Variants in SSRP1 observed in about 807,000 individuals in gnomAD.
The protein encoded by SSRP1 is structure specific recognition protein 1.
A neutral mutation model predicts 84.4 loss-of-function variants in SSRP1; 21 were observed. The observed-to-expected ratio is 0.25, with a 90% confidence interval of 0.18 to 0.36. SSRP1 has a LOEUF of 0.36. SSRP1 is among the 10% of genes least tolerant of loss of function. The pLI, the probability that SSRP1 is intolerant of heterozygous loss-of-function variation, is 1.00. For synonymous variants in SSRP1, 319 were observed against 318.3 expected (o/e 1.00, Z -0.02); for missense variants, 519 against 900.8 (o/e 0.58, Z 5.43).
chr11:57,328,628 C>A, intron 12 of SSRP1: 1 of 606,008 alleles, frequency 1.7e-6, no homozygotes, highest in Non-Finnish European at 2.7e-6. Context: ...CCAGACCCAG[C>A]CACAGCAATT....
Position 57,330,819 on chromosome 11 carries a change from C to G in SSRP1, c.1296+36G>C, listed in dbSNP as rs370814037. 1 of 1,614,034 alleles carries G rather than the reference C, an allele frequency of 6.2e-7. No homozygotes were observed. Among genetic ancestry groups the G allele is most frequent in the East Asian group, 2.2e-5 (1 of 44,882 alleles). The stretch of plus-strand genomic sequence containing the variant: ...CACCCCTTTCTCCCCTATAGAAAGA[C>G]CAGGAGAGGGTCTCATCCTCCCCAC... On this transcript the variant is annotated intron_variant, in intron 10 of 16. Coordinates refer to ENST00000278412, the MANE Select transcript of SSRP1 (RefSeq NM_003146.3). This position sits in a 1 kb window ranked among gnomAD's most constrained non-coding sequence, Gnocchi z 4.0.
In SSRP1 at chr11:57,332,564, T is replaced by C. The variant is rs373846898; in HGVS notation, c.768+61A>G. On this transcript the variant is annotated intron_variant, in intron 6 of 16. Coordinates refer to ENST00000278412, the MANE Select transcript of SSRP1 (RefSeq NM_003146.3). This position sits in a 1 kb window ranked among gnomAD's most constrained non-coding sequence, Gnocchi z 5.5. The stretch of plus-strand genomic sequence containing the variant: ...CGTAGAATTCTGCACACCAGTGAGA[T>C]CCATCTACTTAACACTTAGGCAAAA... 2,460 of 1,603,692 alleles carry C rather than the reference T, an allele frequency of 1.5e-3. 52 individuals are homozygous for C. In the South Asian group the frequency reaches 0.026, roughly 17 times the overall value.
In SSRP1 at chr11:57,332,517, A is replaced by G. The variant is rs1208174871; in HGVS notation, c.769-31T>C. On this transcript the variant is annotated intron_variant, in intron 6 of 16. Transcript: ENST00000278412. The surrounding 1 kb of genome is among the most constrained non-coding windows in gnomAD (Gnocchi z 5.5). ...AAGGAAGAGTACTAATTGACACTCT[A>G]CAACAACTTGCAATTAACCAACGTA... 3.1e-6 allele frequency: 5 copies of G among 1,611,636 alleles called. No individual in the cohort carries two copies. The highest frequency in any genetic ancestry group is 4.2e-6 in the Non-Finnish European group (5 of 1,177,916).
intron 15 of SSRP1, 64 bp downstream of exon 15, chr11:57,327,362 G>T: frequency 1.3e-6 from 2 of 1,502,924 alleles, no homozygotes; most frequent in Non-Finnish European, 1.8e-6. Flanking sequence ...CTCAACTTCG[G>T]CCTGTTAAAA....
chr11:57,334,405 G>A, intron 3 of SSRP1, 58 bp downstream of exon 3: 6 of 1,586,250 alleles, frequency 3.8e-6, no homozygotes, highest in Non-Finnish European at 5.2e-6. Flanking sequence ...CGAGTCTCTA[G>A]AAGATTAAAA....
chr11:57,326,270 T>C lies in SSRP1; in HGVS notation c.*137A>G, dbSNP rs1459543079. ...ACGTCTCCCCACTGCCCTAGTGACA[T>C]ACACACCAACAGGAGAGCATGTTCA... On this transcript the variant is annotated 3_prime_UTR_variant, in exon 17 of 17. Coordinates refer to ENST00000278412, the MANE Select transcript of SSRP1 (RefSeq NM_003146.3). The C allele has an allele frequency of 1.2e-6, 1 of 812,630 alleles. No homozygotes were observed. Among genetic ancestry groups the C allele is most frequent in the South Asian group, 1.5e-5 (1 of 65,112 alleles). The allele number at this position is 812,630 out of a possible 1,614,324, so 50.3% of individuals were successfully genotyped here.
chr11:57,328,842 T>A (rs563547893), intron 12 of SSRP1: 1 of 158,804 alleles, frequency 6.3e-6, no homozygotes, highest in South Asian at 1.9e-4. Context: ...GTCTTTTTTG[T>A]CTTCTTTTTT....
Position 57,332,306 on chromosome 11 carries a change from C to A in SSRP1, c.873-26G>T, listed in dbSNP as rs1201737969. 1 of 1,613,974 alleles carries A rather than the reference C, an allele frequency of 6.2e-7. No individual in the cohort carries two copies. Among genetic ancestry groups the A allele is most frequent in the African/African-American group, 1.3e-5 (1 of 74,918 alleles). On this transcript the variant is annotated intron_variant, in intron 7 of 16. Coordinates refer to ENST00000278412, the MANE Select transcript of SSRP1 (RefSeq NM_003146.3). The surrounding 1 kb of genome is among the most constrained non-coding windows in gnomAD (Gnocchi z 5.5). ...CTACAAAGAAAGCAAGGTGAGGTCA[C>A]AACACTACTGCCTTCTAATGGCACA...
At chr11:57,326,536 T>G (rs1855984192) in intron 16 of SSRP1, 58 bp from the exon 17 acceptor site, 1 of 1,610,438 alleles carries the variant, frequency 6.2e-7, no homozygotes, top group African/African-American at 1.3e-5. Context: ...CCACCCACTC[T>G]TCAGTGAAGG....
chr11:57,326,415 C>G lies in SSRP1; in HGVS notation c.2122G>C (p.Asp708His). ...AGAACCTTCCTCCGTTTCTACTCAT[C>G]GGATCCTGACGCTGAGTCCTCTGAG... ...PSSEDSASGS[D>H]E The change falls in exon 17 of 17, where the codon GAT (aspartate) becomes CAT (histidine). Residue 708 changes from aspartate (D) to histidine (H), a missense_variant. Coordinates refer to ENST00000278412, the MANE Select transcript of SSRP1 (RefSeq NM_003146.3). 1 of 1,614,154 alleles carries G rather than the reference C, an allele frequency of 6.2e-7. No individual in the cohort carries two copies. Among genetic ancestry groups the G allele is most frequent in the Non-Finnish European group, 8.5e-7 (1 of 1,180,018 alleles).
At chr11:57,331,568 C>G (rs1856091926) in intron 9 of SSRP1, 100 bp downstream of exon 9, 1 of 883,090 alleles carries the variant, frequency 1.1e-6, no homozygotes, top group Non-Finnish European at 1.8e-6. Context: ...AAGAAAAATT[C>G]TGCTCTAGGG....
Position 57,332,342 on chromosome 11 carries a change from G to T in SSRP1, c.872+41C>A. 1.2e-6 allele frequency: 2 copies of T among 1,613,836 alleles called. No individual in the cohort carries two copies. Among genetic ancestry groups the T allele is most frequent in the Non-Finnish European group, 1.7e-6 (2 of 1,179,780 alleles). ...CCTTCTAATGGCACACCTGTCTCCT[G>T]CCTGGACAGTGGTAGGAAACGAGTC... On this transcript the variant is annotated intron_variant, in intron 7 of 16. Transcript: ENST00000278412. The surrounding 1 kb of genome is among the most constrained non-coding windows in gnomAD (Gnocchi z 5.5).
chr11:57,327,418 A>T lies in SSRP1; in HGVS notation c.1871+8T>A. ...AATCAGTGACTGGGCCATGTTCTCGACACTCACCTCTTAGAAGACTCGCCT... is the reference window on the plus strand; with the variant it reads ...AATCAGTGACTGGGCCATGTTCTCGTCACTCACCTCTTAGAAGACTCGCCT... On this transcript the variant is annotated splice_region_variant and intron_variant, in intron 15 of 16. Coordinates refer to ENST00000278412, the MANE Select transcript of SSRP1 (RefSeq NM_003146.3). 3 of 1,612,822 alleles carry T rather than the reference A, an allele frequency of 1.9e-6. No homozygotes were observed. The highest frequency in any genetic ancestry group is 1.7e-6 in the Non-Finnish European group (2 of 1,179,684).
chr11:57,326,676 C>T (rs1855988121), intron 16 of SSRP1, 27 bp downstream of exon 16: 1 of 1,607,810 alleles, frequency 6.2e-7, no homozygotes, highest in South Asian at 1.1e-5. Flanking sequence ...CCCTGCCCAG[C>T]CCACAGGCCC....
rs1166286583 is a variant in SSRP1, at chr11:57,332,450, G to A, written c.805C>T (p.Arg269Cys). ...LDPPIKQGQT[R>C]YHFLILLFSK... ...AAGAGGAGGATCAGGAAGTGGTAGC[G>A]AGTTTGGCCTTGCTTGATTGGGGGA... Residue 269 changes from arginine to cysteine, a missense_variant, in exon 7 of 17, where the codon CGC becomes TGC. By Grantham distance (180) the Arg-to-Cys change is radical (BLOSUM62 -3). Around this residue, in one of 7 missense-constraint regions of SSRP1, gnomAD observed 159 missense variants for 359.0 expected, o/e 0.44. Coordinates refer to ENST00000278412, the MANE Select transcript of SSRP1 (RefSeq NM_003146.3). This position sits in a 1 kb window ranked among gnomAD's most constrained non-coding sequence, Gnocchi z 5.5. 1.2e-6 allele frequency: 2 copies of A among 1,614,110 alleles called. No individual in the cohort carries two copies. The highest frequency in any genetic ancestry group is 1.7e-6 in the Non-Finnish European group (2 of 1,180,024).
intron 12 of SSRP1, 121 bp downstream of exon 12, chr11:57,329,972 G>A (rs923391875): frequency 2.5e-6 from 3 of 1,214,486 alleles, no homozygotes; most frequent in Non-Finnish European, 3.6e-6. Flanking sequence ...CCTCATTGGA[G>A]GTCACTCTCC....
chr11:57,327,210 G>A, intron 15 of SSRP1: 1 of 661,510 alleles, frequency 1.5e-6, no homozygotes, highest in Non-Finnish European at 2.6e-6. Flanking sequence ...CAAATAAAAT[G>A]GTCCAGGAAA....
At position 57,335,773 on chromosome 11, in the gene SSRP1, G is replaced by T. The variant is rs945657984; in HGVS notation, c.-163C>A. 2.0e-5 allele frequency: 3 copies of T among 152,252 alleles called. No individual in the cohort carries two copies. Among genetic ancestry groups the T allele is most frequent in the African/African-American group, 7.2e-5 (3 of 41,448 alleles). 9.4% of individuals were successfully genotyped at this position (152,252 alleles called of 1,614,324 possible). Reference sequence around the variant, plus strand: ...CGCGAGGGCCCCGGCGCGAGAGGTGGGCGCGCTGGGGGGACGCGGGGGGGG... The same window carrying T: ...CGCGAGGGCCCCGGCGCGAGAGGTGTGCGCGCTGGGGGGACGCGGGGGGGG... On this transcript the variant is annotated 5_prime_UTR_variant, in exon 1 of 17. Transcript: ENST00000278412. The surrounding 1 kb of genome is among the most constrained non-coding windows in gnomAD (Gnocchi z 4.6).
At chr11:57,326,918 G>C (rs1855997183) in intron 15 of SSRP1, 29 bp from the exon 16 acceptor site, 1 of 1,544,992 alleles carries the variant, frequency 6.5e-7, no homozygotes, top group East Asian at 2.3e-5. Flanking sequence ...AGAGGAGCTG[G>C]GCCTTCAGGT....
Sources: gnomAD v4.1 joint callset for allele counts on GRCh38, gnomAD v4.1.1 for gene constraint, gnomAD v4.1.1 regional missense constraint, Gnocchi (gnomAD v3.1) non-coding constraint, MANE v1.5 for transcripts, NCBI Gene and HGNC (gene_info 2026-07-23, HGNC 2026-07-21) for gene names.